Variants in ALAS1 observed in about 807,000 individuals in gnomAD.
The protein encoded by ALAS1 is 5-aminolevulinate synthase, non-specific, mitochondrial.
Under a neutral mutation model 59.6 loss-of-function variants are expected in ALAS1, and 29 were observed. The observed-to-expected ratio is 0.49, with a 90% confidence interval of 0.36 to 0.66. The LOEUF is 0.66. Among genes scored for constraint, ALAS1 ranks in the 30% least tolerant of loss-of-function variants. ALAS1 has a pLI of 0.00. For synonymous variants in ALAS1, 299 were observed against 296.6 expected (o/e 1.01, Z -0.08); for missense variants, 690 against 807.5 (o/e 0.85, Z 1.76).
rs549009479 is a variant in ALAS1, at chr3:52,198,836, T to C, written c.-45T>C. On this transcript the variant is annotated 5_prime_UTR_variant, in exon 2 of 12. Transcript: ENST00000484952. Reference sequence around the variant, plus strand: ...CTGCCTGGATGGATGAGTGGCTTCTTCTCCACCTAGATGTAAGCCAAGATG... The same window carrying C: ...CTGCCTGGATGGATGAGTGGCTTCTCCTCCACCTAGATGTAAGCCAAGATG... 6.5e-7 allele frequency: 1 copy of C among 1,535,632 alleles called. No homozygotes were observed. Among genetic ancestry groups the C allele is most frequent in the African/African-American group, 1.4e-5 (1 of 73,134 alleles).
chr3:52,213,266 C>G (rs554153659), intron 11 of ALAS1, among the ~76,000 whole-genome samples: 2 of 152,302 alleles, frequency 1.3e-5, no homozygotes, highest in South Asian at 2.1e-4. Flanking sequence ...ACCTCTGCCT[C>G]GAAGGTACAT....
At chr3:52,206,538 C>T (rs1200178479) in intron 7 of ALAS1, 34 bp from the exon 8 acceptor site, 1 of 1,595,286 alleles carries the variant, frequency 6.3e-7, no homozygotes, top group South Asian at 1.1e-5. Flanking sequence ...GTCTTCGATG[C>T]ACATGGCAAT....
At chr3:52,200,549 C>A (rs879733313) in intron 3 of ALAS1, among the ~76,000 whole-genome samples, 1 of 152,134 alleles carries the variant, frequency 6.6e-6, no homozygotes, top group Non-Finnish European at 1.5e-5. Flanking sequence ...ACCAGCCTGG[C>A]CACATGGTGA....
chr3:52,199,559 G>A lies in ALAS1; in HGVS notation c.199+119G>A, dbSNP rs1038987731. On this transcript the variant is annotated intron_variant, in intron 3 of 11. Transcript: ENST00000484952. The stretch of plus-strand genomic sequence containing the variant: ...CACTCACAGAGGGCTGCTATGTGCA[G>A]GCTGGGCTCTGAGCACAGATTATCT... 6.3e-6 allele frequency: 6 copies of A among 953,742 alleles called. No homozygotes were observed. The African/African-American group carries it at 8.3e-5, about 13-fold the overall frequency. 59.1% of individuals were successfully genotyped at this position (953,742 alleles called of 1,614,324 possible).
intron 5 of ALAS1, 102 bp downstream of exon 5, chr3:52,204,114 C>T (rs1474385225): frequency 4.1e-6 from 5 of 1,229,894 alleles, no homozygotes; most frequent in Middle Eastern, 2.6e-4. Context: ...CACAGTAGCT[C>T]ATACCTGTAA....
chr3:52,209,410 T>G (rs1245335550), intron 9 of ALAS1, among the ~76,000 whole-genome samples: 1 of 152,060 alleles, frequency 6.6e-6, no homozygotes, highest in Non-Finnish European at 1.5e-5. Context: ...GGTTTCACCG[T>G]GTTAGCCAGA....
chr3:52,199,467 A>T, intron 3 of ALAS1, 27 bp downstream of exon 3: 1 of 1,603,926 alleles, frequency 6.2e-7, no homozygotes, highest in Non-Finnish European at 8.5e-7. Context: ...ATGAAGGAGC[A>T]GGTATGGGTG....
intron 8 of ALAS1, among the ~76,000 whole-genome samples, chr3:52,207,769 G>T (rs1347406175): frequency 6.6e-6 from 1 of 152,096 alleles, no homozygotes; most frequent in Non-Finnish European, 1.5e-5. Flanking sequence ...ACTTAGGATG[G>T]CCTCTAGCTC....
At chr3:52,202,463 T>G in intron 3 of ALAS1, 44 bp from the exon 4 acceptor site, 1 of 1,494,398 alleles carries the variant, frequency 6.7e-7, no homozygotes, top group Non-Finnish European at 9.3e-7. Flanking sequence ...TTACATACTG[T>G]GCAACCAGAT....
At position 52,206,725 on chromosome 3, in the gene ALAS1, C is replaced by T; in HGVS notation, c.1139C>T (p.Ala380Val). 6.2e-7 allele frequency: 1 copy of T among 1,614,108 alleles called. No individual in the cohort carries two copies. The highest frequency in any genetic ancestry group is 8.5e-7 in the Non-Finnish European group (1 of 1,180,008). ...GACCCCTCAGTCCCCAAGATTGTGGCATTTGAAACTGTCCATTCAATGGAT... is the reference window on the plus strand; with the variant it reads ...GACCCCTCAGTCCCCAAGATTGTGGTATTTGAAACTGTCCATTCAATGGAT... ...RSDPSVPKIVAFETVHSMDGA... is the reference protein window; with the variant it reads ...RSDPSVPKIVVFETVHSMDGA... Residue 380 changes from alanine (A) to valine (V), a missense_variant, in exon 8 of 12, where the codon GCA becomes GTA. Ala to Val is a moderately conservative substitution (Grantham distance 64). Transcript: ENST00000484952.
chr3:52,198,985 G>A (rs1033660614), intron 2 of ALAS1, 137 bp downstream of exon 2: 1 of 1,147,100 alleles, frequency 8.7e-7, no homozygotes, highest in Non-Finnish European at 1.2e-6. Flanking sequence ...AAGTTGCTTT[G>A]CAGGTGCCTT....
intron 2 of ALAS1, 118 bp from the exon 3 acceptor site, chr3:52,199,092 G>C (rs1699131513): frequency 9.1e-7 from 1 of 1,102,320 alleles, no homozygotes; most frequent in African/African-American, 1.6e-5. Context: ...ATTTTTGAGG[G>C]AGAAGTGTTA....
chr3:52,208,687 C>T (rs558732090), intron 9 of ALAS1, among the ~76,000 whole-genome samples: 1 of 152,232 alleles, frequency 6.6e-6, no homozygotes, highest in East Asian at 1.9e-4. Flanking sequence ...CTCTGCTCTT[C>T]CTCATACAGA....
At chr3:52,203,763 T>G in intron 4 of ALAS1, 100 bp from the exon 5 acceptor site, 1 of 1,378,912 alleles carries the variant, frequency 7.3e-7, no homozygotes, top group East Asian at 2.4e-5. Flanking sequence ...GCCTTTTTTG[T>G]GAACTAGGCC....
In ALAS1 at chr3:52,204,024, T is replaced by G; in HGVS notation, c.577+12T>G. 6.3e-7 allele frequency: 1 copy of G among 1,594,536 alleles called. No homozygotes were observed. Among genetic ancestry groups the G allele is most frequent in the Non-Finnish European group, 8.5e-7 (1 of 1,170,444 alleles). On this transcript the variant is annotated intron_variant, in intron 5 of 11. Transcript: ENST00000484952. ...TAACTTGCCAAAATGTAAGTCTCAT[T>G]GTTATTTGCCTGATGTAGAAAAGAA...
chr3:52,208,717 T>G (rs1699345327), intron 9 of ALAS1, among the ~76,000 whole-genome samples: 1 of 152,214 alleles, frequency 6.6e-6, no homozygotes. Flanking sequence ...TCGTGGTAGA[T>G]GGGAGCTAGA....
At chr3:52,203,451 G>A (rs1013461838) in intron 4 of ALAS1, among the ~76,000 whole-genome samples, 9 of 152,112 alleles carry the variant, frequency 5.9e-5, no homozygotes, top group Non-Finnish European at 1.3e-4. Context: ...TGAGGAGGGA[G>A]GATCGCTTGA....
rs145966605 is a variant in ALAS1, at chr3:52,199,268, A to G, written c.27A>G (p.Pro9=). The G allele has an allele frequency of 1.2e-4, 193 of 1,614,044 alleles. No homozygotes were observed. The highest frequency in any genetic ancestry group is 1.5e-4 in the Non-Finnish European group (177 of 1,180,026). The change falls in exon 3 of 12, where the codon CCA becomes CCG. Residue 9 remains proline, a synonymous_variant. Coordinates refer to ENST00000484952, the MANE Select transcript of ALAS1 (RefSeq NM_000688.6). MESVVRRC[P]FLSRVPQAFL... ...TGGAGAGTGTTGTTCGCCGCTGCCCATTCTTATCCCGAGTCCCCCAGGCCT... is the reference window on the plus strand; with the variant it reads ...TGGAGAGTGTTGTTCGCCGCTGCCCGTTCTTATCCCGAGTCCCCCAGGCCT...
intron 1 of ALAS1, 81 bp from the exon 2 acceptor site, chr3:52,198,591 A>G: frequency 1.7e-6 from 1 of 589,618 alleles, no homozygotes; most frequent in Non-Finnish European, 3.0e-6. Context: ...CCTCGACTTT[A>G]TAAGCCCCTG....
Sources: gnomAD v4.1 joint callset for allele counts (sites outside exome capture counted in the v4.1 genomes callset) on GRCh38, gnomAD v4.1.1 for gene constraint, MANE v1.5 for transcripts, NCBI Gene and HGNC (gene_info 2026-07-23, HGNC 2026-07-21) for gene names.